Variants in COL24A1 observed in about 807,000 individuals in gnomAD.
COL24A1 encodes the protein collagen type XXIV alpha 1 chain.
In COL24A1, 224 loss-of-function variants were observed where a neutral mutation model predicts 253.9. That is an observed-to-expected ratio of 0.88 (90% CI 0.79 to 0.99). COL24A1 has a LOEUF of 0.99. Among genes scored for constraint, COL24A1 ranks in the 50% least tolerant of loss-of-function variants. The pLI is 0.00. For synonymous variants in COL24A1, 685 were observed against 673.7 expected, an observed-to-expected ratio of 1.02 and a Z score of -0.26; for missense variants, 2,131 against 2,068.5, an observed-to-expected ratio of 1.03 and a Z score of -0.59.
intron 33 of COL24A1, 120 bp from the exon 34 acceptor site, chr1:85,875,450 A>T: frequency 1.4e-6 from 1 of 699,722 alleles, no homozygotes; most frequent in Non-Finnish European, 2.5e-6. Flanking sequence ...CTGTCCCTTT[A>T]TAAACTTCAT....
chr1:86,120,767 T>C (rs1023806587), intron 3 of COL24A1, among the ~76,000 whole-genome samples: 10 of 152,150 alleles, frequency 6.6e-5, no homozygotes, highest in Non-Finnish European at 1.3e-4. Context: ...AGAAATACCA[T>C]TTGACCCAGC....
intron 24 of COL24A1, among the ~76,000 whole-genome samples, chr1:85,922,426 A>G (rs1686623619): frequency 1.3e-5 from 2 of 152,220 alleles, no homozygotes; most frequent in South Asian, 2.1e-4. Context: ...GAGAAAGGTC[A>G]GGTTAACCAC....
chr1:85,767,874 C>A (rs543912659), intron 53 of COL24A1, among the ~76,000 whole-genome samples: 349 of 152,278 alleles, frequency 2.3e-3, no homozygotes, highest in African/African-American at 6.8e-3. Context: ...CATTTATCAA[C>A]TATTACCTAT....
intron 55 of COL24A1, among the ~76,000 whole-genome samples, chr1:85,757,284 T>C (rs904801038): frequency 2.0e-5 from 3 of 152,198 alleles, no homozygotes; most frequent in Admixed American, 6.5e-5. Context: ...ACTATCCTAC[T>C]TCTGGCAATT....
chr1:85,922,500 T>TG (rs1445476010), intron 24 of COL24A1, among the ~76,000 whole-genome samples: 3 of 151,864 alleles, frequency 2.0e-5, no homozygotes, highest in Non-Finnish European at 4.4e-5. Flanking sequence ...CAGAAGAGAG[T>TG]GGGGGGCCAA....
Position 86,044,396 on chromosome 1 carries a change from A to G in COL24A1, c.1950+2429T>C, listed in dbSNP as rs566321938. 3.3e-5 allele frequency among the ~76,000 whole-genome samples: 5 copies of G among 152,322 alleles called. No individual in the cohort carries two copies. The East Asian group carries it at 7.7e-4, about 23-fold the overall frequency. Reference sequence around the variant, plus strand: ...CACATTTTCCTTATAAATATAGACAAATGATTTTACAGTAAAAATGAGAAA... The same window carrying G: ...CACATTTTCCTTATAAATATAGACAGATGATTTTACAGTAAAAATGAGAAA... On this transcript the variant is annotated intron_variant, in intron 12 of 59. Transcript: ENST00000370571.
Position 85,830,044 on chromosome 1 carries a change from C to T in COL24A1, c.3682-6306G>A, listed in dbSNP as rs1674985855. ...TTTTTCTGCTCTGTTTTTTCCCCAT[C>T]TTTGTGGTTTTATCTACTTTTGGTC... On this transcript the variant is annotated intron_variant, in intron 43 of 59. Coordinates refer to ENST00000370571, the MANE Select transcript of COL24A1 (RefSeq NM_152890.7). Among the ~76,000 whole-genome samples the T allele has an allele frequency of 3.3e-5, 5 of 152,052 alleles. No homozygotes were observed. The South Asian group carries it at 1.0e-3, about 32-fold the overall frequency.
chr1:85,965,619 A>G (rs1297027141), intron 22 of COL24A1, among the ~76,000 whole-genome samples: 1 of 152,144 alleles, frequency 6.6e-6, no homozygotes, highest in Non-Finnish European at 1.5e-5. Flanking sequence ...GAGAGATCCC[A>G]GGATTCTGTG....
chr1:85,984,223 T>A (rs1470584265), intron 20 of COL24A1, among the ~76,000 whole-genome samples: 1 of 151,824 alleles, frequency 6.6e-6, no homozygotes, highest in East Asian at 1.9e-4. Context: ...AAGAGAACTT[T>A]GAAAGTTCTC....
intron 2 of COL24A1, among the ~76,000 whole-genome samples, chr1:86,130,332 C>A (rs1372614533): frequency 6.6e-6 from 1 of 151,844 alleles, no homozygotes; most frequent in African/African-American, 2.4e-5. Context: ...AATGTATAAA[C>A]TAAATCTATC....
At chr1:85,777,295 C>T (rs1280401808) in intron 52 of COL24A1, among the ~76,000 whole-genome samples, 4 of 151,914 alleles carry the variant, frequency 2.6e-5, no homozygotes, top group Admixed American at 1.3e-4. Context: ...ATATATACAC[C>T]CTTTTCCACA....
At chr1:86,026,766 C>T (rs138631692) in intron 14 of COL24A1, among the ~76,000 whole-genome samples, 8,264 of 152,194 alleles carry the variant, frequency 0.054, 477 homozygotes, top group African/African-American at 0.15. Context: ...GGGTAACAGG[C>T]AGAGGCTGGA....
At chr1:85,841,977 T>C (rs1676661836) in intron 41 of COL24A1, 91 bp downstream of exon 41, 6 of 1,130,796 alleles carry the variant, frequency 5.3e-6, no homozygotes, top group South Asian at 1.4e-5. Flanking sequence ...GCTTCTTTTA[T>C]TCCTTGAAAA....
rs761125441 is a variant in COL24A1, at chr1:85,745,554, G to A, written c.4438-48C>T. The A allele has an allele frequency of 5.9e-6, 8 of 1,354,870 alleles. No homozygotes were observed. In the Admixed American group the frequency reaches 7.9e-5, roughly 13 times the overall value. 83.9% of individuals were successfully genotyped at this position (1,354,870 alleles called of 1,614,324 possible). A position where few individuals can be genotyped will look rare whatever the true frequency, so the allele number is the denominator to read the frequency against. On this transcript the variant is annotated intron_variant, in intron 55 of 59. Transcript: ENST00000370571. ...AGATTAGCAATAAGATCAACACTGA[G>A]TGCCCTAAAGTAAAGGCTGTAAATT... is the stretch of plus-strand genomic sequence containing the variant.
intron 1 of COL24A1, chr1:86,155,770 T>G (rs12076366): frequency 0.097 from 14,784 of 152,530 alleles, 792 homozygotes; most frequent in East Asian, 0.25. Context: ...GGATTGCCTC[T>G]GAGCCCGTGG....
At position 85,816,879 on chromosome 1, in the gene COL24A1, A is replaced by G; in HGVS notation, c.3860T>C (p.Leu1287Pro). The G allele has an allele frequency of 6.2e-7, 1 of 1,613,860 alleles. No homozygotes were observed. The highest frequency in any genetic ancestry group is 8.5e-7 in the Non-Finnish European group (1 of 1,179,784). ...KPGIPGLQGLLGPKGIQGYHG... is the reference protein window; with the variant it reads ...KPGIPGLQGLPGPKGIQGYHG... ...GTATCCTTGTATGCCTTTTGGCCCA[A>G]GTAGGCCTTGAAGTCCCTTGATAAT... Residue 1287 changes from leucine to proline, a missense_variant, in exon 47 of 60, where the codon CTT becomes CCT. Coordinates refer to ENST00000370571, the MANE Select transcript of COL24A1 (RefSeq NM_152890.7).
chr1:85,737,625 G>A (rs778702445), intron 57 of COL24A1, 120 bp from the exon 58 acceptor site: 37 of 621,562 alleles, frequency 6.0e-5, no homozygotes, highest in Non-Finnish European at 9.3e-5. Context: ...GTGCAGCGGT[G>A]CGATCTTGGC....
At chr1:85,859,514 T>C (rs1025418535) in intron 37 of COL24A1, among the ~76,000 whole-genome samples, 2 of 152,190 alleles carry the variant, frequency 1.3e-5, no homozygotes. Flanking sequence ...CGTTATTCTA[T>C]ATTGTATTTT....
intron 41 of COL24A1, among the ~76,000 whole-genome samples, chr1:85,841,733 G>A (rs1460660865): frequency 2.0e-5 from 3 of 151,972 alleles, no homozygotes; most frequent in Non-Finnish European, 4.4e-5. Flanking sequence ...TGACTCTCCT[G>A]CCCCAAAGAC....
Sources: allele counts gnomAD v4.1 joint callset (sites outside exome capture counted in the v4.1 genomes callset), GRCh38; gene constraint gnomAD v4.1.1; transcripts MANE v1.5; gene names NCBI Gene and HGNC (gene_info 2026-07-23, HGNC 2026-07-21).